OTOGL: variants seen among roughly 807,000 people sequenced by gnomAD.
OTOGL encodes otogelin like.
Under a neutral mutation model 318.5 loss-of-function variants are expected in OTOGL, and 285 were observed. The ratio of observed to expected loss-of-function variants is 0.89; its 90% confidence interval spans 0.81 to 0.99. OTOGL has a LOEUF of 0.99. Ranked by LOEUF, OTOGL falls within the 50% of genes least tolerant of loss-of-function variation. OTOGL has a pLI of 0.00. For synonymous variants in OTOGL, 987 were observed against 936.5 expected, an observed-to-expected ratio of 1.05 and a Z score of -0.99; for missense variants, 2,899 against 2,845.6, an observed-to-expected ratio of 1.02 and a Z score of -0.43.
chr12:80,126,916 A>G lies in OTOGL; in HGVS notation c.-20+27311A>G, dbSNP rs572530946. ...TTGGTAGATCTTCCTCCACCCTTTT[A>G]TTTTGAGCCTACGTGTGTCTCTGCA... On this transcript the variant is annotated intron_variant, in intron 1 of 58. Transcript: ENST00000547103. Among the ~76,000 whole-genome samples the G allele has an allele frequency of 1.4e-4, 21 of 151,932 alleles. No homozygotes were observed. In the South Asian group the frequency reaches 3.3e-3, roughly 24 times the overall value.
intron 44 of OTOGL, among the ~76,000 whole-genome samples, chr12:80,344,496 C>T (rs4288819): frequency 0.13 from 19,046 of 151,998 alleles, 2,721 homozygotes; most frequent in African/African-American, 0.35. Flanking sequence ...GAGCCGAGAT[C>T]GCGCCATTGC....
intron 32 of OTOGL, among the ~76,000 whole-genome samples, chr12:80,314,746 A>G (rs1434003456): frequency 6.6e-6 from 1 of 152,158 alleles, no homozygotes. Context: ...ATAATTGTAT[A>G]TATTTATGGG....
At chr12:80,270,542 A>G (rs1441410163) in intron 23 of OTOGL, among the ~76,000 whole-genome samples, 1 of 152,128 alleles carries the variant, frequency 6.6e-6, no homozygotes, top group Non-Finnish European at 1.5e-5. Context: ...TTTAGTGTGC[A>G]CATATGGGGA....
chr12:80,374,676 A>G (rs111878048), intron 57 of OTOGL, among the ~76,000 whole-genome samples: 9 of 152,016 alleles, frequency 5.9e-5, no homozygotes, highest in African/African-American at 2.2e-4. Context: ...TTCAGATTCT[A>G]GACTCTTCCT....
chr12:80,347,881 C>T (rs886096747), intron 44 of OTOGL, among the ~76,000 whole-genome samples: 1 of 152,110 alleles, frequency 6.6e-6, no homozygotes, highest in Non-Finnish European at 1.5e-5. Flanking sequence ...TGGTGCTGAA[C>T]CTTTTTTTCA....
chr12:80,121,240 C>G (rs1050979900), intron 1 of OTOGL, among the ~76,000 whole-genome samples: 1 of 152,142 alleles, frequency 6.6e-6, no homozygotes, highest in Admixed American at 6.6e-5. Flanking sequence ...GGCTCAGGAA[C>G]AAGGAGACTC....
chr12:80,268,646 G>A (rs534496765), intron 22 of OTOGL, among the ~76,000 whole-genome samples: 1 of 152,084 alleles, frequency 6.6e-6, no homozygotes, highest in Admixed American at 6.6e-5. Context: ...AATCATTTTC[G>A]ACTCTTTCCT....
intron 42 of OTOGL, 70 bp downstream of exon 42, chr12:80,337,074 TAA>T (rs1171913369): frequency 8.4e-7 from 1 of 1,183,530 alleles, no homozygotes; most frequent in East Asian, 2.6e-5. Context: ...TTATTTCCAA[TAA>T]GAGGGAAAAT....
rs1592507513 is a variant in OTOGL, at chr12:80,161,547, T to C, written c.-19-47866T>C. On this transcript the variant is annotated intron_variant, in intron 1 of 58. Transcript: ENST00000547103. The stretch of plus-strand genomic sequence containing the variant: ...ATAGAATGGGCAAATAAAATTGAAA[T>C]GGGTTGGTGGTACGGCAAATAAAGT... 2.0e-5 allele frequency among the ~76,000 whole-genome samples: 3 copies of C among 152,076 alleles called. No homozygotes were observed. The East Asian group carries it at 5.8e-4, about 29-fold the overall frequency.
Position 80,310,611 on chromosome 12 carries a change from T to C in OTOGL, c.3334T>C (p.Cys1112Arg), listed in dbSNP as rs760601080. Residue 1112 changes from cysteine (C) to arginine (R), a missense_variant and splice_region_variant, in exon 30 of 59, where the codon TGT (cysteine) becomes CGT (arginine). Physicochemically the swap from Cys to Arg is radical, Grantham distance 180. Transcript: ENST00000547103. ...VFGDSWALGQ[C>R]ESPDETIKPC... ...TTTCTCTCTTAAATTTTTTCAACAG[T>C]GTGAAAGTCCAGATGAAACAATTAA... 1.3e-6 allele frequency: 2 copies of C among 1,574,780 alleles called. No homozygotes were observed. The highest frequency in any genetic ancestry group is 2.2e-5 in the South Asian group (2 of 89,734).
In OTOGL at chr12:80,298,445, A is replaced by G. The variant is rs1210928319; in HGVS notation, c.3063+1484A>G. On this transcript the variant is annotated intron_variant, in intron 27 of 58. Transcript: ENST00000547103. ...ACATCTGTAAATTTGGGAAGATTTTAGAACCTACTTCTTTAGTTTGTGTGA... is the reference window on the plus strand; with the variant it reads ...ACATCTGTAAATTTGGGAAGATTTTGGAACCTACTTCTTTAGTTTGTGTGA... Among the ~76,000 whole-genome samples, 4 of 152,232 alleles carry G rather than the reference A, an allele frequency of 2.6e-5. No individual in the cohort carries two copies. In the East Asian group the frequency reaches 5.8e-4, roughly 22 times the overall value.
At chr12:80,325,672 C>T (rs1887634014) in intron 35 of OTOGL, among the ~76,000 whole-genome samples, 1 of 152,192 alleles carries the variant, frequency 6.6e-6, no homozygotes, top group Admixed American at 6.5e-5. Flanking sequence ...TTCATTTGAG[C>T]TTCTCCCACT....
At chr12:80,366,537 A>C (rs758699707) in intron 52 of OTOGL, 37 bp from the exon 53 acceptor site, 1 of 465,912 alleles carries the variant, frequency 2.1e-6, no homozygotes, top group Non-Finnish European at 3.3e-6. Flanking sequence ...ATATAAAATA[A>C]GCTAAATGAT....
At chr12:80,195,517 G>A (rs185741260) in intron 1 of OTOGL, among the ~76,000 whole-genome samples, 1 of 152,178 alleles carries the variant, frequency 6.6e-6, no homozygotes, top group Non-Finnish European at 1.5e-5. Context: ...GTTAAAATAG[G>A]CTGGTTAGTA....
intron 11 of OTOGL, among the ~76,000 whole-genome samples, chr12:80,243,861 A>T (rs1253403481): frequency 6.8e-6 from 1 of 146,232 alleles, no homozygotes; most frequent in Non-Finnish European, 1.5e-5. Flanking sequence ...ACATATATAT[A>T]TATATATACG....
chr12:80,328,985 A>C (rs1009492865), intron 36 of OTOGL, 66 bp from the exon 37 acceptor site: 13 of 1,405,330 alleles, frequency 9.3e-6, no homozygotes, highest in Non-Finnish European at 1.3e-5. Flanking sequence ...AGAGTCCTCT[A>C]TGAAATATGT....
At chr12:80,259,116 G>A (rs1882309667) in intron 18 of OTOGL, among the ~76,000 whole-genome samples, 1 of 150,964 alleles carries the variant, frequency 6.6e-6, no homozygotes, top group Admixed American at 6.6e-5. Context: ...AATAAAAAAT[G>A]AATATTTAGT....
chr12:80,257,694 G>A (rs1195430436), intron 17 of OTOGL, 131 bp from the exon 18 acceptor site: 1 of 948,198 alleles, frequency 1.1e-6, no homozygotes. Flanking sequence ...CTGAAGCACA[G>A]ACAGGAACCA....
intron 30 of OTOGL, among the ~76,000 whole-genome samples, chr12:80,312,697 G>A (rs969084117): frequency 6.6e-6 from 1 of 152,202 alleles, no homozygotes; most frequent in Non-Finnish European, 1.5e-5. Flanking sequence ...CAAGTCTGGA[G>A]TCCTGAACCA....
Sources: allele counts gnomAD v4.1 joint callset (sites outside exome capture counted in the v4.1 genomes callset), GRCh38; gene constraint gnomAD v4.1.1; transcripts MANE v1.5; gene names NCBI Gene and HGNC (gene_info 2026-07-23, HGNC 2026-07-21).